Variants in PHACTR1 observed in about 807,000 individuals in gnomAD.
The protein encoded by PHACTR1 is RPEL repeat containing 1.
In PHACTR1, 16 loss-of-function variants were observed where a neutral mutation model predicts 69.2. The observed-to-expected ratio is 0.23, with a 90% CI of 0.16 to 0.35. PHACTR1 has a LOEUF of 0.35. Among genes scored for constraint, PHACTR1 ranks in the 10% least tolerant of loss-of-function variants. The probability of loss-of-function intolerance (pLI) is 1.00; values close to 1 mark genes in which losing one functional copy is unlikely to be tolerated. For missense variants in PHACTR1, 510 were observed against 734.7 expected (o/e 0.69, Z 3.54); for synonymous variants, 312 against 284.5 (o/e 1.10, Z -0.97).
chr6:12,848,191 A>G (rs1208214801), intron 4 of PHACTR1, among the ~76,000 whole-genome samples: 1 of 152,210 alleles, frequency 6.6e-6, no homozygotes, highest in African/African-American at 2.4e-5. Flanking sequence ...CAGAGTAACT[A>G]ACCAACCCAC....
chr6:12,940,119 A>T (rs1002848351), intron 4 of PHACTR1, among the ~76,000 whole-genome samples: 22 of 152,198 alleles, frequency 1.4e-4, no homozygotes, highest in African/African-American at 5.3e-4. Flanking sequence ...TAAAACCTGA[A>T]CACCATCACA....
intron 4 of PHACTR1, among the ~76,000 whole-genome samples, chr6:12,795,766 T>C (rs1772909941): frequency 6.6e-6 from 1 of 151,974 alleles, no homozygotes; most frequent in African/African-American, 2.4e-5. Flanking sequence ...TTCCCCTTTT[T>C]AAATACTTAG....
intron 5 of PHACTR1, among the ~76,000 whole-genome samples, chr6:13,100,846 T>G (rs1468129722): frequency 6.6e-6 from 1 of 152,130 alleles, no homozygotes; most frequent in Non-Finnish European, 1.5e-5. Context: ...AAGGAAAGGG[T>G]AAAGAGAAGA....
At chr6:13,104,788 T>C (rs1306555502) in intron 5 of PHACTR1, among the ~76,000 whole-genome samples, 1 of 152,230 alleles carries the variant, frequency 6.6e-6, no homozygotes, top group Non-Finnish European at 1.5e-5. Context: ...ATCTTTTTTA[T>C]TCCACTATAA....
rs540577889 is a variant in PHACTR1, at chr6:12,924,366, T to G, written c.251-128999T>G. 5.3e-5 allele frequency among the ~76,000 whole-genome samples: 8 copies of G among 152,350 alleles called. No homozygotes were observed. The East Asian group carries it at 1.5e-3, about 29-fold the overall frequency. On this transcript the variant is annotated intron_variant, in intron 4 of 14. Coordinates refer to ENST00000332995, the MANE Select transcript of PHACTR1 (RefSeq NM_030948.6). ...CTTTATTATTGGTCTTATGTGTGTTTCTACAAGCAACCATCCCAAACTGGT... is the reference window on the plus strand; with the variant it reads ...CTTTATTATTGGTCTTATGTGTGTTGCTACAAGCAACCATCCCAAACTGGT...
chr6:13,270,290 G>A (rs1554183422), intron 10 of PHACTR1, among the ~76,000 whole-genome samples: 1 of 152,206 alleles, frequency 6.6e-6, no homozygotes, highest in South Asian at 2.1e-4. Context: ...CACTCTCTGG[G>A]TGCCACCCTC....
intron 4 of PHACTR1, among the ~76,000 whole-genome samples, chr6:12,947,854 G>A (rs889376581): frequency 2.0e-5 from 3 of 152,180 alleles, no homozygotes; most frequent in Non-Finnish European, 2.9e-5. Flanking sequence ...AACTTTATGA[G>A]GCAGAAATCA....
intron 4 of PHACTR1, among the ~76,000 whole-genome samples, chr6:12,806,992 A>T (rs1029911930): frequency 2.0e-5 from 3 of 152,076 alleles, no homozygotes; most frequent in African/African-American, 7.2e-5. Context: ...TTATGATGAC[A>T]TTTTTTTCAA....
chr6:13,176,694 C>A (rs2113676168), intron 6 of PHACTR1, among the ~76,000 whole-genome samples: 1 of 152,134 alleles, frequency 6.6e-6, no homozygotes, highest in Admixed American at 6.5e-5. Flanking sequence ...TTCTACTATT[C>A]TATTTTTCGT....
chr6:12,848,311 A>G (rs972225645), intron 4 of PHACTR1, among the ~76,000 whole-genome samples: 14 of 152,230 alleles, frequency 9.2e-5, no homozygotes, highest in Admixed American at 5.2e-4. Flanking sequence ...TCTTACCAAT[A>G]TACATATATG....
chr6:13,191,298 T>A (rs1304582088), intron 7 of PHACTR1, among the ~76,000 whole-genome samples: 1 of 152,110 alleles, frequency 6.6e-6, no homozygotes, highest in Non-Finnish European at 1.5e-5. Flanking sequence ...AATTTGAAGG[T>A]GTTCTGTGTT....
In PHACTR1 at chr6:13,283,266, C is replaced by T. The variant is rs961612431; in HGVS notation, c.1510-156C>T. 7.6e-6 allele frequency: 5 copies of T among 655,630 alleles called. No individual in the cohort carries two copies. Among genetic ancestry groups the T allele is most frequent in the African/African-American group, 7.6e-5 (4 of 52,738 alleles). The allele number at this position is 655,630 out of a possible 1,614,324, so 40.6% of individuals were successfully genotyped here. A position where few individuals can be genotyped will look rare whatever the true frequency, so the allele number is the denominator to read the frequency against. On this transcript the variant is annotated intron_variant, in intron 12 of 14. Transcript: ENST00000332995. The surrounding 1 kb of genome is among the most constrained non-coding windows in gnomAD (Gnocchi z 4.7). Reference sequence around the variant, plus strand: ...GAGTCAGGAGACTTGGGTCCCCCCACCCTGGCCCTCCCCCTGCCCCTGCCC... The same window carrying T: ...GAGTCAGGAGACTTGGGTCCCCCCATCCTGGCCCTCCCCCTGCCCCTGCCC...
At chr6:13,127,086 T>C (rs1819649130) in intron 5 of PHACTR1, among the ~76,000 whole-genome samples, 1 of 152,160 alleles carries the variant, frequency 6.6e-6, no homozygotes, top group African/African-American at 2.4e-5. Flanking sequence ...TATAACAAGG[T>C]AAAGCGGTTT....
chr6:12,720,704 T>A (rs1473710768), intron 3 of PHACTR1, among the ~76,000 whole-genome samples: 2 of 152,240 alleles, frequency 1.3e-5, no homozygotes, highest in Non-Finnish European at 2.9e-5. Context: ...TCTAGGTCAG[T>A]GTTTCAAAAC....
intron 3 of PHACTR1, among the ~76,000 whole-genome samples, chr6:12,741,957 T>C (rs993316534): frequency 6.6e-6 from 1 of 152,224 alleles, no homozygotes; most frequent in Non-Finnish European, 1.5e-5. Context: ...TAGTTTTTCA[T>C]GCAGAGGACT....
intron 4 of PHACTR1, among the ~76,000 whole-genome samples, chr6:12,988,153 GC>G (rs1342614935): frequency 6.6e-6 from 1 of 152,180 alleles, no homozygotes; most frequent in African/African-American, 2.4e-5. Flanking sequence ...GAAATTGAAT[GC>G]CTTAGGGTCC....
intron 4 of PHACTR1, among the ~76,000 whole-genome samples, chr6:12,817,824 A>AT (rs1235021628): frequency 4.2e-3 from 596 of 142,160 alleles, no homozygotes; most frequent in South Asian, 8.7e-3. Flanking sequence ...GTTTACTTTA[A>AT]TTTTTTTTTT....
chr6:13,172,570 C>T (rs1297287025), intron 6 of PHACTR1, among the ~76,000 whole-genome samples: 2 of 152,222 alleles, frequency 1.3e-5, no homozygotes, highest in African/African-American at 2.4e-5. Context: ...CAGCAGGAAA[C>T]AGCTCCAGGG....
At chr6:12,897,095 CT>C (rs1784742163) in intron 4 of PHACTR1, among the ~76,000 whole-genome samples, 1 of 152,112 alleles carries the variant, frequency 6.6e-6, no homozygotes, top group Non-Finnish European at 1.5e-5. Context: ...CACACACATC[CT>C]TTTTAAAGGG....
Sources: allele counts gnomAD v4.1 joint callset (sites outside exome capture counted in the v4.1 genomes callset), GRCh38; gene constraint gnomAD v4.1.1; non-coding constraint Gnocchi (gnomAD v3.1); transcripts MANE v1.5; gene names NCBI Gene and HGNC (gene_info 2026-07-23, HGNC 2026-07-21).